The following PRIM2 variants were observed in gnomAD, a reference collection of about 807,000 sequenced individuals.
The protein encoded by PRIM2 is DNA primase subunit 2.
In PRIM2, 39 loss-of-function variants were observed where a neutral mutation model predicts 67.3. The ratio of observed to expected loss-of-function variants is 0.58; its 90% confidence interval spans 0.45 to 0.76. The LOEUF is 0.76. Ranked by LOEUF, PRIM2 falls within the 30% of genes least tolerant of loss-of-function variation. The probability of loss-of-function intolerance (pLI) is 0.00; values close to 1 mark genes in which losing one functional copy is unlikely to be tolerated. For synonymous variants in PRIM2, 143 were observed against 198.7 expected, an observed-to-expected ratio of 0.72 and a Z score of 2.36; for missense variants, 398 against 598.7, an observed-to-expected ratio of 0.66 and a Z score of 3.50.
chr6:57,419,748 G>T (rs1771402126), intron 7 of PRIM2, among the ~76,000 whole-genome samples: 1 of 152,122 alleles, frequency 6.6e-6, no homozygotes. Context: ...CTCGGTTTTT[G>T]AATAAAGTCT....
intron 7 of PRIM2, among the ~76,000 whole-genome samples, chr6:57,484,514 C>T (rs2127406827): frequency 6.6e-6 from 1 of 152,284 alleles, no homozygotes; most frequent in South Asian, 2.1e-4. Context: ...TAACTGTGAT[C>T]CAAAAGCATG....
chr6:57,399,714 C>T (rs1770641528), intron 7 of PRIM2, among the ~76,000 whole-genome samples: 1 of 152,042 alleles, frequency 6.6e-6, no homozygotes, highest in Non-Finnish European at 1.5e-5. Context: ...TGTTTCCTGA[C>T]TTTTTAATGA....
At chr6:57,596,401 GTTA>G (rs1236153183) in intron 10 of PRIM2, among the ~76,000 whole-genome samples, 1 of 152,132 alleles carries the variant, frequency 6.6e-6, no homozygotes, top group East Asian at 1.9e-4. Flanking sequence ...TTGATATAAA[GTTA>G]TAGAATAGTT....
chr6:57,502,649 G>A (rs1463373388), intron 7 of PRIM2, among the ~76,000 whole-genome samples: 1 of 152,056 alleles, frequency 6.6e-6, no homozygotes, highest in Non-Finnish European at 1.5e-5. Context: ...TATTTCCTTT[G>A]CTCCTCCCTC....
the PRIM2 span, among the ~76,000 whole-genome samples, chr6:57,288,992 A>T: frequency 6.6e-6 from 1 of 152,076 alleles, no homozygotes; most frequent in Admixed American, 6.5e-5. Flanking sequence ...AAGGTCGGTA[A>T]TAACAAACTT....
At chr6:57,262,536 A>T in the PRIM2 span, among the ~76,000 whole-genome samples, 1 of 151,988 alleles carries the variant, frequency 6.6e-6, no homozygotes, top group Non-Finnish European at 1.5e-5. Context: ...TTGCAGGGCC[A>T]CTTGCTGAGG....
intron 7 of PRIM2, among the ~76,000 whole-genome samples, chr6:57,433,135 A>G (rs1771887778): frequency 6.6e-6 from 1 of 152,188 alleles, no homozygotes; most frequent in Non-Finnish European, 1.5e-5. Flanking sequence ...TGTGACAGAG[A>G]TCCTGTGGCC....
intron 7 of PRIM2, among the ~76,000 whole-genome samples, chr6:57,496,438 G>A (rs1774005926): frequency 6.6e-6 from 1 of 152,112 alleles, no homozygotes; most frequent in East Asian, 1.9e-4. Context: ...TATTCAGTCT[G>A]GGCCCTCTTT....
At chr6:57,314,005 G>T (rs1043664575), upstream of PRIM2, among the ~76,000 whole-genome samples, 1 of 152,202 alleles carries the variant, frequency 6.6e-6, no homozygotes, top group Non-Finnish European at 1.5e-5. Context: ...GCACTGAATT[G>T]AGCAGTGATG....
chr6:57,463,336 T>G (rs1389902306), intron 7 of PRIM2, among the ~76,000 whole-genome samples: 6 of 152,006 alleles, frequency 3.9e-5, no homozygotes, highest in Non-Finnish European at 7.4e-5. Context: ...CTACAAAAAA[T>G]AAAAAATTAG....
chr6:57,225,630 C>CA, the PRIM2 span, among the ~76,000 whole-genome samples: 1 of 152,110 alleles, frequency 6.6e-6, no homozygotes, highest in Non-Finnish European at 1.5e-5. Flanking sequence ...ACTGATCCAG[C>CA]AAAAAATGTC....
chr6:57,501,015 C>T (rs1214265862), intron 7 of PRIM2, among the ~76,000 whole-genome samples: 1 of 152,192 alleles, frequency 6.6e-6, no homozygotes, highest in Non-Finnish European at 1.5e-5. Context: ...AAAACCAAAG[C>T]TTTCACTGTC....
intron 8 of PRIM2, among the ~76,000 whole-genome samples, chr6:57,530,845 G>A (rs2127467828): frequency 6.6e-6 from 1 of 152,136 alleles, no homozygotes; most frequent in East Asian, 1.9e-4. Context: ...TGGTACTACA[G>A]GCACACACCA....
chr6:57,336,085 G>C lies in PRIM2; in HGVS notation c.459+10040G>C, dbSNP rs549340140. Among the ~76,000 whole-genome samples the C allele has an allele frequency of 3.7e-3, 559 of 152,238 alleles. 3 individuals are homozygous for C. The highest frequency in any genetic ancestry group is 0.013 in the African/African-American group (542 of 41,518). ...ATGCAGAAGCCTCAGGAGCCGATGC[G>C]ATCAACTGGAAGAAAAGATATCAGC... is the stretch of plus-strand genomic sequence containing the variant. On this transcript the variant is annotated intron_variant, in intron 5 of 13. Coordinates refer to ENST00000615550, the MANE Select transcript of PRIM2 (RefSeq NM_000947.5).
intron 5 of PRIM2, among the ~76,000 whole-genome samples, chr6:57,359,420 C>T (rs1769127927): frequency 6.6e-6 from 1 of 152,208 alleles, no homozygotes; most frequent in African/African-American, 2.4e-5. Flanking sequence ...TAAGAACCTC[C>T]AGATTAATCT....
intron 10 of PRIM2, among the ~76,000 whole-genome samples, chr6:57,562,456 CTCAGGTGA>C (rs1775653107): frequency 6.6e-6 from 1 of 152,170 alleles, no homozygotes; most frequent in Non-Finnish European, 1.5e-5. Context: ...TATATTTACA[CTCAGGTGA>C]TCTCATCCTT....
At chr6:57,368,589 G>A (rs565460923) in intron 5 of PRIM2, among the ~76,000 whole-genome samples, 2 of 152,196 alleles carry the variant, frequency 1.3e-5, no homozygotes, top group African/African-American at 4.8e-5. Flanking sequence ...TGGGAATGTG[G>A]GAAAGAAATA....
rs1395151546 is a variant in PRIM2, at chr6:57,403,821, A to C, written c.693+21653A>C. Among the ~76,000 whole-genome samples, 17 of 152,030 alleles carry C rather than the reference A, an allele frequency of 1.1e-4. 1 individual carries two copies. The highest frequency in any genetic ancestry group is 1.1e-3 in the Admixed American group (17 of 15,262). On this transcript the variant is annotated intron_variant, in intron 7 of 13. Coordinates refer to ENST00000615550, the MANE Select transcript of PRIM2 (RefSeq NM_000947.5). ...CTCTTCCTTGGCAAGTAGACTATAAAAAACTGTAGGCTTATAGATATTGTC... is the reference window on the plus strand; with the variant it reads ...CTCTTCCTTGGCAAGTAGACTATAACAAACTGTAGGCTTATAGATATTGTC...
chr6:57,470,871 C>T (rs1773322260), intron 7 of PRIM2, among the ~76,000 whole-genome samples: 1 of 152,118 alleles, frequency 6.6e-6, no homozygotes, highest in Non-Finnish European at 1.5e-5. Flanking sequence ...TCCCTCCCTG[C>T]CAACTACCCT....
Sources: gnomAD v4.1 joint callset for allele counts (sites outside exome capture counted in the v4.1 genomes callset) on GRCh38, gnomAD v4.1.1 for gene constraint, MANE v1.5 for transcripts, NCBI Gene and HGNC (gene_info 2026-07-23, HGNC 2026-07-21) for gene names.